Variants in ZNF469 observed in about 807,000 individuals in gnomAD.
ZNF469 encodes the protein zinc finger protein 469.
Under a neutral mutation model 1.0 loss-of-function variants are expected in ZNF469, and 1 was observed. The ratio of observed to expected loss-of-function variants is 1.00; its 90% CI spans 0.35 to 4.73. ZNF469 has a LOEUF of 4.73. Ranked by LOEUF, ZNF469 falls within the 30% of genes most tolerant of loss-of-function variation. ZNF469 has a pLI of 0.16. For synonymous variants in ZNF469, 2,703 were observed against 2,363.4 expected (o/e 1.14, Z -4.17); for missense variants, 6,100 against 5,356.3 (o/e 1.14, Z -4.33).
the ZNF469 span, among the ~76,000 whole-genome samples, chr16:88,113,770 C>T: frequency 0.011 from 1,619 of 152,270 alleles, 27 homozygotes; most frequent in African/African-American, 0.036. Context: ...TTAATTTCAC[C>T]GACACGGCTG....
the ZNF469 span, among the ~76,000 whole-genome samples, chr16:88,122,791 GTGTATATATA>G: frequency 4.2e-4 from 64 of 151,946 alleles, no homozygotes; most frequent in Non-Finnish European, 7.4e-4. Flanking sequence ...GTATATATAT[GTGTATATATA>G]TGTATATATA....
At chr16:88,246,034 C>T in the ZNF469 span, among the ~76,000 whole-genome samples, 2 of 152,278 alleles carry the variant, frequency 1.3e-5, no homozygotes, top group African/African-American at 4.8e-5. Flanking sequence ...TTATTGGACA[C>T]AGGAAGGTCA....
At chr16:88,170,036 G>A in the ZNF469 span, among the ~76,000 whole-genome samples, 36 of 152,316 alleles carry the variant, frequency 2.4e-4, no homozygotes, top group Non-Finnish European at 4.6e-4. This position sits in a 1 kb window ranked among gnomAD's most constrained non-coding sequence, Gnocchi z 4.2. Context: ...GGCTGGAGGA[G>A]GACAGAGCAC....
chr16:88,283,985 C>T, the ZNF469 span, among the ~76,000 whole-genome samples: 2 of 106,396 alleles, frequency 1.9e-5, 1 homozygote, highest in South Asian at 6.0e-4. Flanking sequence ...TGGTAGACCC[C>T]GAGTGTGCCC....
At chr16:88,132,022 C>T in the ZNF469 span, among the ~76,000 whole-genome samples, 1 of 152,204 alleles carries the variant, frequency 6.6e-6, no homozygotes. Context: ...AGCTGGGCAG[C>T]GGCAGGACGG....
chr16:88,329,807 A>T, the ZNF469 span, among the ~76,000 whole-genome samples: 1 of 152,248 alleles, frequency 6.6e-6, no homozygotes, highest in Admixed American at 6.5e-5. Context: ...GAACAAGCTG[A>T]AACCTTTCCT....
the ZNF469 span, among the ~76,000 whole-genome samples, chr16:88,210,436 A>G: frequency 2.0e-5 from 3 of 152,020 alleles, no homozygotes; most frequent in African/African-American, 7.3e-5. Flanking sequence ...TTGCATTTGG[A>G]TGTTGAAAAG....
the ZNF469 span, among the ~76,000 whole-genome samples, chr16:88,340,600 C>A: frequency 6.6e-6 from 1 of 152,182 alleles, no homozygotes; most frequent in Non-Finnish European, 1.5e-5. Flanking sequence ...GAGGGTGCTG[C>A]CCAGCCCCAC....
At chr16:88,231,468 C>G in the ZNF469 span, among the ~76,000 whole-genome samples, 1 of 150,082 alleles carries the variant, frequency 6.7e-6, no homozygotes, top group Non-Finnish European at 1.5e-5. This position sits in a 1 kb window ranked among gnomAD's most constrained non-coding sequence, Gnocchi z 4.5. Context: ...AGGCTCACAG[C>G]TCTGTCAGCT....
the ZNF469 span, among the ~76,000 whole-genome samples, chr16:88,305,368 G>A: frequency 8.4e-6 from 1 of 118,528 alleles, no homozygotes; most frequent in Non-Finnish European, 1.7e-5. Flanking sequence ...ATGCTCACAG[G>A]CACACGCATG....
At chr16:88,255,281 G>A in the ZNF469 span, among the ~76,000 whole-genome samples, 1 of 152,164 alleles carries the variant, frequency 6.6e-6, no homozygotes, top group Non-Finnish European at 1.5e-5. Context: ...CAAACACTTA[G>A]AATATAGTGC....
At chr16:88,249,354 A>T in the ZNF469 span, among the ~76,000 whole-genome samples, 72 of 149,946 alleles carry the variant, frequency 4.8e-4, 1 homozygote, top group South Asian at 5.7e-3. Context: ...TAGCCTCCCA[A>T]GCAGGACTCC....
chr16:88,264,947 G>T, the ZNF469 span, among the ~76,000 whole-genome samples: 2 of 152,128 alleles, frequency 1.3e-5, no homozygotes, highest in African/African-American at 4.8e-5. Context: ...CAGGGAGCGG[G>T]CACACAGGGC....
chr16:88,183,012 A>T, the ZNF469 span, among the ~76,000 whole-genome samples: 1 of 152,252 alleles, frequency 6.6e-6, no homozygotes, highest in Non-Finnish European at 1.5e-5. Context: ...ACTTGTACCC[A>T]CAATATTTAA....
In ZNF469 at chr16:88,431,252, G is replaced by A. The variant is rs1421401680; in HGVS notation, c.3782G>A (p.Gly1261Asp). Residue 1261 changes from glycine to aspartate, a missense_variant, in exon 3 of 3, where the codon GGT becomes GAT. Gly to Asp is a moderately conservative substitution (Grantham distance 94, BLOSUM62 -1). Transcript: ENST00000565624. ...ACAGEMGASP[G>D]LLIPEQPPPS... The stretch of plus-strand genomic sequence containing the variant: ...GCGGGAGAAATGGGAGCAAGCCCCG[G>A]TCTCCTGATACCAGAGCAGCCGCCG... 1.3e-6 allele frequency: 2 copies of A among 1,550,256 alleles called. No individual in the cohort carries two copies. Among genetic ancestry groups the A allele is most frequent in the Non-Finnish European group, 1.7e-6 (2 of 1,146,970 alleles).
chr16:88,330,910 C>G, the ZNF469 span, among the ~76,000 whole-genome samples: 1 of 152,208 alleles, frequency 6.6e-6, no homozygotes, highest in Non-Finnish European at 1.5e-5. Context: ...TGCAAAAGCA[C>G]CTGGCATGCA....
the ZNF469 span, among the ~76,000 whole-genome samples, chr16:88,167,169 C>A: frequency 6.8e-6 from 1 of 146,210 alleles, no homozygotes; most frequent in African/African-American, 2.5e-5. Flanking sequence ...TCAAGCGATT[C>A]TCCTGCCTCA....
the ZNF469 span, among the ~76,000 whole-genome samples, chr16:88,256,886 T>TTTCTTTCTCTCTCTCTCTC: frequency 9.8e-6 from 1 of 101,848 alleles, no homozygotes; most frequent in African/African-American, 3.4e-5. Context: ...TTTTCTTTTC[T>TTTCTTTCTCTCTCTCTCTC]TTTCTTTCCT....
the ZNF469 span, among the ~76,000 whole-genome samples, chr16:88,294,398 G>GTTT: frequency 4.3e-4 from 65 of 152,256 alleles, no homozygotes; most frequent in Non-Finnish European, 5.9e-4. Context: ...CTCCTCAGTG[G>GTTT]TTTAGGGCGC....
Sources: allele counts gnomAD v4.1 joint callset (sites outside exome capture counted in the v4.1 genomes callset), GRCh38; gene constraint gnomAD v4.1.1; non-coding constraint Gnocchi (gnomAD v3.1); transcripts MANE v1.5; gene names NCBI Gene and HGNC (gene_info 2026-07-23, HGNC 2026-07-21).